Variants in TPX2 observed in about 807,000 individuals in gnomAD.
The protein encoded by TPX2 is TPX2 microtubule nucleation factor, also known as targeting protein for Xklp2.
TPX2 carries 21 observed loss-of-function variants against 93.6 expected under a neutral mutation model. The ratio of observed to expected loss-of-function variants is 0.22; its 90% confidence interval spans 0.16 to 0.32. TPX2 has a LOEUF of 0.32. Ranked by LOEUF, TPX2 falls within the 10% of genes least tolerant of loss-of-function variation. TPX2 has a pLI of 1.00. For missense variants in TPX2, 776 were observed against 871.1 expected, an observed-to-expected ratio of 0.89 and a Z score of 1.37; for synonymous variants, 281 against 298.3, an observed-to-expected ratio of 0.94 and a Z score of 0.60.
chr20:31,794,631 G>A (rs1303323838), intron 15 of TPX2, 83 bp downstream of exon 15: 1 of 1,515,670 alleles, frequency 6.6e-7, no homozygotes, highest in Non-Finnish European at 8.9e-7. Context: ...GAAATCACCT[G>A]GGTTAACATG....
chr20:31,750,452 CTATTTATTTATTTATTTATT>C (rs60982252), intron 2 of TPX2, among the ~76,000 whole-genome samples: 14 of 146,772 alleles, frequency 9.5e-5, no homozygotes, highest in African/African-American at 3.0e-4. Flanking sequence ...CCGTGCCCGG[CTATTTATTTATTTATTTATT>C]TATTTATTTA....
At chr20:31,794,755 A>AGTGTGTGTGTGTGTGTGTGT (rs35018680) in intron 15 of TPX2, among the ~76,000 whole-genome samples, 1 of 145,392 alleles carries the variant, frequency 6.9e-6, no homozygotes, top group Non-Finnish European at 1.5e-5. Flanking sequence ...TCTGTCGCAT[A>AGTGTGTGTGTGTGTGTGTGT]GTGTGTGTGT....
At chr20:31,770,805 CA>C (rs978103914) in intron 6 of TPX2, among the ~76,000 whole-genome samples, 31 of 151,470 alleles carry the variant, frequency 2.0e-4, no homozygotes, top group African/African-American at 7.0e-4. Flanking sequence ...TAATAGTCTT[CA>C]ACTGGAGTGG....
rs543651064 is a variant in TPX2 at position 31,785,707 on chromosome 20, C to T, written c.1413+1786C>T. On this transcript the variant is annotated intron_variant, in intron 12 of 17. Coordinates refer to ENST00000300403, the MANE Select transcript of TPX2 (RefSeq NM_012112.5). ...GAGACGGGGTTTCGCCTTGTTAGCC[C>T]GGCTGGTCTCGAACTCCTGACCTCA... is the stretch of plus-strand genomic sequence containing the variant. Among the ~76,000 whole-genome samples, 32 of 152,106 alleles carry T rather than the reference C, an allele frequency of 2.1e-4. No individual in the cohort carries two copies. In the South Asian group the frequency reaches 5.4e-3, roughly 26 times the overall value.
At chr20:31,764,985 CAG>C (rs1019908827) in intron 4 of TPX2, among the ~76,000 whole-genome samples, 25 of 150,080 alleles carry the variant, frequency 1.7e-4, no homozygotes, top group African/African-American at 6.1e-4. Context: ...GACAGGGTCT[CAG>C]TGTGTCACCC....
intron 2 of TPX2, among the ~76,000 whole-genome samples, chr20:31,752,463 C>T (rs1213640903): frequency 2.6e-5 from 4 of 152,150 alleles, no homozygotes; most frequent in South Asian, 2.1e-4. Flanking sequence ...AATATTTAAT[C>T]GTACCTTGAC....
chr20:31,758,113 CA>C (rs1159546897), intron 3 of TPX2, among the ~76,000 whole-genome samples: 1 of 143,300 alleles, frequency 7.0e-6, no homozygotes, highest in Non-Finnish European at 1.5e-5. Context: ...ACCCCTCCCT[CA>C]ATTCATTTTT....
chr20:31,764,460 G>T (rs1036771767), intron 4 of TPX2, among the ~76,000 whole-genome samples: 39 of 152,186 alleles, frequency 2.6e-4, no homozygotes, highest in African/African-American at 9.4e-4. Context: ...GAGCCACTGT[G>T]CCTGGCCCCA....
intron 3 of TPX2, among the ~76,000 whole-genome samples, 171 bp downstream of exon 3, chr20:31,757,753 T>G (rs1342269659): frequency 6.6e-6 from 1 of 152,202 alleles, no homozygotes; most frequent in Non-Finnish European, 1.5e-5. Flanking sequence ...GCCCAGTATT[T>G]GGGGAATGGA....
At chr20:31,752,215 ACTGCCATAG>A (rs1448603205) in intron 2 of TPX2, among the ~76,000 whole-genome samples, 3 of 152,314 alleles carry the variant, frequency 2.0e-5, no homozygotes, top group Non-Finnish European at 4.4e-5. Flanking sequence ...ATACCAGATG[ACTGCCATAG>A]CTCCAGCTTG....
At chr20:31,755,953 G>A (rs1262247971) in intron 2 of TPX2, among the ~76,000 whole-genome samples, 1 of 152,188 alleles carries the variant, frequency 6.6e-6, no homozygotes, top group Non-Finnish European at 1.5e-5. Flanking sequence ...CAGGAGTAGG[G>A]AGGGGCCTAT....
At chr20:31,747,215 G>A (rs1037027997) in intron 2 of TPX2, among the ~76,000 whole-genome samples, 1 of 152,120 alleles carries the variant, frequency 6.6e-6, no homozygotes, top group Non-Finnish European at 1.5e-5. Context: ...CCACCTCCTG[G>A]GTTCAAGCTA....
At chr20:31,743,395 A>T (rs13037259) in intron 2 of TPX2, among the ~76,000 whole-genome samples, 2 of 152,150 alleles carry the variant, frequency 1.3e-5, no homozygotes, top group African/African-American at 4.8e-5. Context: ...TGACAAGAAA[A>T]AAAGTCTAGG....
chr20:31,790,037 G>A (rs990341622), intron 12 of TPX2, among the ~76,000 whole-genome samples: 2 of 152,218 alleles, frequency 1.3e-5, no homozygotes, highest in Non-Finnish European at 2.9e-5. Context: ...CAGACCCGTG[G>A]CTTCTTGCTC....
At chr20:31,762,044 T>A (rs2061893996) in intron 4 of TPX2, among the ~76,000 whole-genome samples, 1 of 152,192 alleles carries the variant, frequency 6.6e-6, no homozygotes, top group South Asian at 2.1e-4. Flanking sequence ...CTGTTTGCCA[T>A]TTGTATGTGT....
At chr20:31,760,299 G>T in intron 4 of TPX2, 120 bp downstream of exon 4, 1 of 1,277,678 alleles carries the variant, frequency 7.8e-7, no homozygotes, top group East Asian at 2.5e-5. Context: ...TGGTGAAATG[G>T]GCTAATTCAT....
chr20:31,786,177 A>T (rs1182146964), intron 12 of TPX2, among the ~76,000 whole-genome samples: 1 of 152,158 alleles, frequency 6.6e-6, no homozygotes, highest in South Asian at 2.1e-4. Flanking sequence ...GGAAACATAG[A>T]GGTTAAATAA....
chr20:31,782,729 A>G (rs944647456), intron 11 of TPX2, among the ~76,000 whole-genome samples: 2 of 151,966 alleles, frequency 1.3e-5, no homozygotes, highest in African/African-American at 4.8e-5. Context: ...CTCTACAACA[A>G]ATACCAAAAA....
chr20:31,758,920 C>T (rs144283317), intron 3 of TPX2, among the ~76,000 whole-genome samples: 25 of 152,150 alleles, frequency 1.6e-4, no homozygotes, highest in African/African-American at 6.0e-4. Flanking sequence ...AAAAGATTAG[C>T]CTAAGAATAC....
Sources: allele counts gnomAD v4.1 joint callset (sites outside exome capture counted in the v4.1 genomes callset), GRCh38; gene constraint gnomAD v4.1.1; transcripts MANE v1.5; gene names NCBI Gene and HGNC (gene_info 2026-07-23, HGNC 2026-07-21).